Variants in IL7R observed in about 807,000 individuals in gnomAD.
IL7R encodes interleukin 7 receptor, also known as interleukin-7 receptor subunit alpha.
Under a neutral mutation model 47.0 loss-of-function variants are expected in IL7R, and 38 were observed. The ratio of observed to expected loss-of-function variants is 0.81; its 90% CI spans 0.62 to 1.06. The LOEUF (loss-of-function observed/expected upper bound fraction) is 1.06, where lower values mean the gene tolerates loss of function less well. Among genes scored for constraint, IL7R ranks in the 50% least tolerant of loss-of-function variants. IL7R has a pLI of 0.00. For missense variants in IL7R, 633 were observed against 534.8 expected (o/e 1.18, Z -1.81); for synonymous variants, 221 against 199.8 (o/e 1.11, Z -0.89).
intron 1 of IL7R, among the ~76,000 whole-genome samples, chr5:35,859,365 A>T (rs879505170): frequency 6.6e-6 from 1 of 152,208 alleles, no homozygotes; most frequent in Non-Finnish European, 1.5e-5. Flanking sequence ...CTGCCATGTA[A>T]GGTCAGAACC....
chr5:35,876,035 G>A lies in IL7R; in HGVS notation c.929G>A (p.Arg310Lys), dbSNP rs2149905223. ...AGTTTCCTGGACTGCCAGATTCATA[G>A]GGTGGATGACATTCAAGCTAGAGAT... ...PESFLDCQIH[R>K]VDDIQARDEV... Residue 310 changes from arginine to lysine, a missense_variant, in exon 8 of 8, where the codon AGG becomes AAG. By Grantham distance (26) the Arg-to-Lys change is conservative. Coordinates refer to ENST00000303115, the MANE Select transcript of IL7R (RefSeq NM_002185.5). 2.5e-6 allele frequency: 4 copies of A among 1,614,050 alleles called. No homozygotes were observed. In the South Asian group the frequency reaches 3.3e-5, roughly 13 times the overall value.
rs1038872578 is a variant in IL7R, at chr5:35,876,175, A to G, written c.1069A>G (p.Thr357Ala). The change falls in exon 8 of 8, where the codon ACT becomes GCT. Residue 357 changes from threonine (T) to alanine (A), a missense_variant. Physicochemically the swap from Thr to Ala is moderately conservative, Grantham distance 58. Transcript: ENST00000303115. Reference protein sequence around the residue: ...PNCPSEDVVITPESFGRDSSL... With the variant: ...PNCPSEDVVIAPESFGRDSSL... ...CTGCCCATCTGAGGATGTAGTCATCACTCCAGAAAGCTTTGGAAGAGATTC... is the reference window on the plus strand; with the variant it reads ...CTGCCCATCTGAGGATGTAGTCATCGCTCCAGAAAGCTTTGGAAGAGATTC... The G allele has an allele frequency of 1.2e-6, 2 of 1,614,082 alleles. No individual in the cohort carries two copies. The highest frequency in any genetic ancestry group is 1.3e-5 in the African/African-American group (1 of 75,012).
rs964349525 is a variant in IL7R at position 35,878,769 on chromosome 5, T to C, written c.*2283T>C. ...CAGGTAAATTACCCAACCTCACACG[T>C]TAAGTCAGAACTGGGAGCCATAATT... On this transcript the variant is annotated 3_prime_UTR_variant, in exon 8 of 8. Coordinates refer to ENST00000303115, the MANE Select transcript of IL7R (RefSeq NM_002185.5). 3 of 232,894 alleles carry C rather than the reference T, an allele frequency of 1.3e-5. No individual in the cohort carries two copies. Among genetic ancestry groups the C allele is most frequent in the Admixed American group, 5.6e-5 (1 of 17,770 alleles). 14.4% of individuals were successfully genotyped at this position (232,894 alleles called of 1,614,324 possible).
chr5:35,869,997 T>C (rs1370199918), intron 3 of IL7R, among the ~76,000 whole-genome samples: 4 of 152,164 alleles, frequency 2.6e-5, no homozygotes, highest in African/African-American at 2.4e-5. Context: ...CTGCATTTTA[T>C]TGGGCCGGCA....
At chr5:35,874,384 C>G in intron 5 of IL7R, 65 bp from the exon 6 acceptor site, 1 of 1,066,642 alleles carries the variant, frequency 9.4e-7, no homozygotes, top group Non-Finnish European at 1.5e-6. Flanking sequence ...ATGCAAAGCA[C>G]CCTGAGACCC....
rs104893894 is a variant in IL7R, at chr5:35,871,070, C to T, written c.394C>T (p.Pro132Ser). 1 of 1,612,922 alleles carries T rather than the reference C, an allele frequency of 6.2e-7. No homozygotes were observed. Among genetic ancestry groups the T allele is most frequent in the Admixed American group, 1.7e-5 (1 of 60,010 alleles). Residue 132 changes from proline (P) to serine (S), a missense_variant, in exon 4 of 8, where the codon CCT becomes TCT. By Grantham distance (74) the Pro-to-Ser change is moderately conservative. Coordinates refer to ENST00000303115, the MANE Select transcript of IL7R (RefSeq NM_002185.5). ...DLTTIVKPEA[P>S]FDLSVVYREG... Reference sequence around the variant, plus strand: ...TTCTTTTCCAGTTAAACCTGAGGCTCCTTTTGACCTGAGTGTCGTCTATCG... The same window carrying T: ...TTCTTTTCCAGTTAAACCTGAGGCTTCTTTTGACCTGAGTGTCGTCTATCG...
chr5:35,877,130 A>G lies in IL7R; in HGVS notation c.*644A>G, dbSNP rs1760239125. 1 of 233,740 alleles carries G rather than the reference A, an allele frequency of 4.3e-6. No individual in the cohort carries two copies. Among genetic ancestry groups the G allele is most frequent in the Non-Finnish European group, 8.4e-6 (1 of 118,530 alleles). The allele number at this position is 233,740 out of a possible 1,614,324, so 14.5% of individuals were successfully genotyped here. ...AGGACTGCCCCATTCTTGAGTGCCA[A>G]ACGTCACTAGTAACAGGGTGTGCCT... On this transcript the variant is annotated 3_prime_UTR_variant, in exon 8 of 8. Transcript: ENST00000303115.
chr5:35,871,267 TG>T, intron 4 of IL7R, 54 bp downstream of exon 4: 1 of 1,473,194 alleles, frequency 6.8e-7, no homozygotes, highest in South Asian at 1.2e-5. Context: ...TTTTCTATTT[TG>T]TTGGCCTAGT....
intron 2 of IL7R, among the ~76,000 whole-genome samples, chr5:35,865,032 A>G (rs954048319): frequency 2.6e-5 from 4 of 152,106 alleles, no homozygotes; most frequent in African/African-American, 4.8e-5. Flanking sequence ...ACATATGTAT[A>G]CATGTGCCAT....
chr5:35,875,454 C>T (rs777495820), intron 6 of IL7R, 58 bp from the exon 7 acceptor site: 12 of 1,140,658 alleles, frequency 1.1e-5, no homozygotes, highest in African/African-American at 6.1e-5. Context: ...AGTGGGAAGA[C>T]TCAGTGTGCC....
chr5:35,875,464 C>T (rs757074358), intron 6 of IL7R, 48 bp from the exon 7 acceptor site: 1 of 1,251,744 alleles, frequency 8.0e-7, no homozygotes, highest in Non-Finnish European at 1.2e-6. Flanking sequence ...CTCAGTGTGC[C>T]TGTGCCCTCT....
chr5:35,857,743 C>T lies in IL7R; in HGVS notation c.82+684C>T, dbSNP rs531653409. On this transcript the variant is annotated intron_variant, in intron 1 of 7. Transcript: ENST00000303115. ...TTTTGGGATCTAAAAAACTTAGTAC[C>T]GAGAAGCCAACCCTGCCCATACATA... Among the ~76,000 whole-genome samples, 52 of 152,070 alleles carry T rather than the reference C, an allele frequency of 3.4e-4. 1 individual carries two copies. The South Asian group carries it at 6.5e-3, about 19-fold the overall frequency.
chr5:35,872,863 C>A (rs188763759), intron 4 of IL7R, among the ~76,000 whole-genome samples: 2 of 150,842 alleles, frequency 1.3e-5, no homozygotes, highest in Non-Finnish European at 3.0e-5. Context: ...ATTAAAAAAA[C>A]AAATATCACA....
In IL7R at chr5:35,856,893, T is replaced by TCCTC. The variant is rs1759654354; in HGVS notation, c.-73_-70dup. On this transcript the variant is annotated 5_prime_UTR_variant, in exon 1 of 8. Coordinates refer to ENST00000303115, the MANE Select transcript of IL7R (RefSeq NM_002185.5). ...GCCCTAGATCTAAGCTTCTCTGTCT[T>TCCTC]CCTCCCTCCCTCCCTTCCTCTTACT... 3.6e-6 allele frequency: 3 copies of TCCTC among 823,012 alleles called. No individual in the cohort carries two copies. Among genetic ancestry groups the TCCTC allele is most frequent in the Admixed American group, 1.7e-5 (1 of 58,660 alleles). The allele number at this position is 823,012 out of a possible 1,614,324, so 51.0% of individuals were successfully genotyped here. A position where few individuals can be genotyped will look rare whatever the true frequency, so the allele number is the denominator to read the frequency against.
intron 3 of IL7R, among the ~76,000 whole-genome samples, chr5:35,867,770 G>C (rs1258695952): frequency 6.6e-6 from 1 of 152,262 alleles, no homozygotes; most frequent in South Asian, 2.1e-4. Context: ...TTCCTTATCT[G>C]TCCTTTCCTT....
In IL7R at chr5:35,874,441, C is replaced by T. The variant is rs2149903979; in HGVS notation, c.707-8C>T. Reference sequence around the variant, plus strand: ...GAATGCTCACCACAATCTATTCTTGCTTTCCAGGGGAGATGGATCCTATCT... The same window carrying T: ...GAATGCTCACCACAATCTATTCTTGTTTTCCAGGGGAGATGGATCCTATCT... On this transcript the variant is annotated splice_region_variant and splice_polypyrimidine_tract_variant and intron_variant, in intron 5 of 7. Coordinates refer to ENST00000303115, the MANE Select transcript of IL7R (RefSeq NM_002185.5). 6.3e-7 allele frequency: 1 copy of T among 1,593,220 alleles called. No individual in the cohort carries two copies. The highest frequency in any genetic ancestry group is 8.6e-7 in the Non-Finnish European group (1 of 1,160,740).
chr5:35,862,934 C>T (rs1759854123), intron 2 of IL7R, among the ~76,000 whole-genome samples: 2 of 152,092 alleles, frequency 1.3e-5, no homozygotes, highest in Admixed American at 6.6e-5. Flanking sequence ...TTTATCAAAT[C>T]GTGACAACAT....
At position 35,876,359 on chromosome 5, in the gene IL7R, C is replaced by T. The variant is rs2149906147; in HGVS notation, c.1253C>T (p.Pro418Leu). The stretch of plus-strand genomic sequence containing the variant: ...ACTACAAACAGCACGCTGCCCCCTC[C>T]ATTTTCTCTCCAATCTGGAATCCTG... ...LGTTNSTLPP[P>L]FSLQSGILTL... The change falls in exon 8 of 8, where the codon CCA (proline) becomes CTA (leucine). Residue 418 changes from proline (P) to leucine (L), a missense_variant. Pro to Leu is a moderately conservative substitution (Grantham distance 98). Coordinates refer to ENST00000303115, the MANE Select transcript of IL7R (RefSeq NM_002185.5). The T allele has an allele frequency of 6.2e-7, 1 of 1,613,368 alleles. No homozygotes were observed. Among genetic ancestry groups the T allele is most frequent in the Non-Finnish European group, 8.5e-7 (1 of 1,179,508 alleles).
chr5:35,865,883 C>A (rs185637395), intron 2 of IL7R, among the ~76,000 whole-genome samples: 1 of 152,080 alleles, frequency 6.6e-6, no homozygotes, highest in Non-Finnish European at 1.5e-5. Context: ...ATCAGAGAAA[C>A]GCAAATCAAA....
Sources: gnomAD v4.1 joint callset for allele counts (sites outside exome capture counted in the v4.1 genomes callset) on GRCh38, gnomAD v4.1.1 for gene constraint, MANE v1.5 for transcripts, NCBI Gene and HGNC (gene_info 2026-07-23, HGNC 2026-07-21) for gene names.